The following CHD9 variants were observed in gnomAD, a reference collection of about 807,000 sequenced individuals.
CHD9 encodes the protein chromodomain helicase DNA binding protein 9.
Under a neutral mutation model 316.1 loss-of-function variants are expected in CHD9, and 77 were observed. The ratio of observed to expected loss-of-function variants is 0.24; its 90% CI spans 0.20 to 0.29. The LOEUF (loss-of-function observed/expected upper bound fraction) is 0.29. Ranked by LOEUF, CHD9 falls within the 10% of genes least tolerant of loss-of-function variation. The pLI, the probability that CHD9 is intolerant of heterozygous loss-of-function variation, is 1.00. For missense variants in CHD9, 2,763 were observed against 3,438.1 expected (o/e 0.80, Z 4.91); for synonymous variants, 1,129 against 1,158.3 (o/e 0.97, Z 0.51).
chr16:53,276,988 A>G (rs2052903696), intron 24 of CHD9, among the ~76,000 whole-genome samples: 1 of 152,224 alleles, frequency 6.6e-6, no homozygotes, highest in African/African-American at 2.4e-5. Context: ...CTTTATGTAC[A>G]TAAACTAGAA....
intron 1 of CHD9, among the ~76,000 whole-genome samples, chr16:53,131,533 C>A (rs1035306954): frequency 3.3e-4 from 50 of 150,950 alleles, no homozygotes; most frequent in Non-Finnish European, 5.9e-4. Flanking sequence ...CCCCCGCCCC[C>A]CGGCCCACAG....
Position 53,226,352 on chromosome 16 carries a change from G to A in CHD9, c.1897-14G>A, listed in dbSNP as rs757397985. 11 of 1,507,866 alleles carry A rather than the reference G, an allele frequency of 7.3e-6. No homozygotes were observed. Among genetic ancestry groups the A allele is most frequent in the South Asian group, 6.4e-5 (5 of 77,698 alleles). 93.4% of individuals were successfully genotyped at this position (1,507,866 alleles called of 1,614,324 possible). ...AATAAATTATATAAATCTGATTCTT[G>A]TGGTTCATTACAGAAAAGAAGATCA... is the stretch of plus-strand genomic sequence containing the variant. On this transcript the variant is annotated splice_polypyrimidine_tract_variant and intron_variant, in intron 4 of 38. Transcript: ENST00000447540.
At chr16:53,229,566 AT>A (rs1323053040) in intron 8 of CHD9, among the ~76,000 whole-genome samples, 1 of 152,190 alleles carries the variant, frequency 6.6e-6, no homozygotes, top group Admixed American at 6.5e-5. Flanking sequence ...CCTGCTCCAG[AT>A]TTTTCTAATA....
chr16:53,172,940 T>C (rs1002431145), intron 2 of CHD9, among the ~76,000 whole-genome samples: 1 of 152,212 alleles, frequency 6.6e-6, no homozygotes, highest in Middle Eastern at 3.2e-3. Flanking sequence ...TCTCCCAGTC[T>C]GTGGGTTGCC....
At chr16:53,115,743 G>T (rs988302628) in intron 1 of CHD9, among the ~76,000 whole-genome samples, 1 of 152,194 alleles carries the variant, frequency 6.6e-6, no homozygotes, top group Non-Finnish European at 1.5e-5. Flanking sequence ...ACCTGCTTAT[G>T]CCTTAAGATG....
intron 1 of CHD9, among the ~76,000 whole-genome samples, chr16:53,070,794 TC>T (rs536857118): frequency 8.5e-4 from 130 of 152,308 alleles, no homozygotes; most frequent in African/African-American, 3.0e-3. Flanking sequence ...CCTCAAGTGA[TC>T]CGCCTGTCTT....
intron 1 of CHD9, among the ~76,000 whole-genome samples, chr16:53,137,942 G>T (rs370897173): frequency 4.4e-4 from 67 of 152,218 alleles, no homozygotes; most frequent in East Asian, 1.9e-3. Context: ...TTTATTGAAT[G>T]ATAGAGAATA....
intron 4 of CHD9, 22 bp from the exon 5 acceptor site, chr16:53,226,344 T>A: frequency 2.7e-6 from 4 of 1,476,890 alleles, no homozygotes; most frequent in Non-Finnish European, 3.6e-6. Flanking sequence ...TATATAAATC[T>A]GATTCTTGTG....
intron 1 of CHD9, among the ~76,000 whole-genome samples, chr16:53,150,954 A>C (rs1349041492): frequency 6.6e-6 from 1 of 152,016 alleles, no homozygotes. Context: ...GATCTCTTAG[A>C]ATTTATCCTC....
At chr16:53,215,061 C>T (rs1207777970) in intron 3 of CHD9, among the ~76,000 whole-genome samples, 3 of 151,980 alleles carry the variant, frequency 2.0e-5, no homozygotes, top group East Asian at 1.9e-4. Flanking sequence ...TACAGGTGCC[C>T]GCCACCACGC....
intron 1 of CHD9, among the ~76,000 whole-genome samples, chr16:53,055,678 A>C (rs1282307487): frequency 1.3e-5 from 2 of 152,124 alleles, no homozygotes; most frequent in Non-Finnish European, 2.9e-5. Flanking sequence ...TCCTCCTCCT[A>C]TTCCTCCAGT....
intron 2 of CHD9, among the ~76,000 whole-genome samples, chr16:53,193,728 C>T (rs530316214): frequency 2.6e-5 from 4 of 152,210 alleles, no homozygotes; most frequent in African/African-American, 9.6e-5. Flanking sequence ...TACCGAGTGC[C>T]TGCATGTCAG....
intron 7 of CHD9, 94 bp downstream of exon 7, chr16:53,227,697 C>G (rs2047772028): frequency 3.1e-6 from 1 of 326,618 alleles, no homozygotes; most frequent in Non-Finnish European, 5.2e-6. Flanking sequence ...TCATTTTATC[C>G]ACATTTTTAT....
chr16:53,196,740 A>G (rs1490346147), intron 2 of CHD9, among the ~76,000 whole-genome samples: 1 of 152,222 alleles, frequency 6.6e-6, no homozygotes, highest in Non-Finnish European at 1.5e-5. Context: ...AGTTTTAAAG[A>G]CAATGATCAG....
At chr16:53,089,251 A>AGT (rs1488691326) in intron 1 of CHD9, among the ~76,000 whole-genome samples, 1 of 152,200 alleles carries the variant, frequency 6.6e-6, no homozygotes, top group Non-Finnish European at 1.5e-5. Flanking sequence ...GTGCCACTGC[A>AGT]CTCCAGCCTG....
In CHD9 at chr16:53,326,926, T is replaced by C. The variant is rs2057562286; in HGVS notation, c.*2031T>C. ...GATCTTGTCACTAAAATCTAATTTA[T>C]ATCAAATTTATGAGAGAAAGTATTT... On this transcript the variant is annotated 3_prime_UTR_variant, in exon 39 of 39. Transcript: ENST00000447540. 1 of 152,004 alleles carries C rather than the reference T, an allele frequency of 6.6e-6. No individual in the cohort carries two copies. The highest frequency in any genetic ancestry group is 1.9e-4 in the East Asian group (1 of 5,184). The allele number at this position is 152,004 out of a possible 1,614,324, so 9.4% of individuals were successfully genotyped here.
chr16:53,094,473 C>A (rs1431780939), intron 1 of CHD9, among the ~76,000 whole-genome samples: 1 of 152,008 alleles, frequency 6.6e-6, no homozygotes, highest in Non-Finnish European at 1.5e-5. Context: ...TACCCGGTGA[C>A]CCCAGGTGAC....
rs924117289 is a variant in CHD9, at chr16:53,085,329, C to T, written c.-165+30252C>T. On this transcript the variant is annotated intron_variant, in intron 1 of 38. Coordinates refer to ENST00000447540, the MANE Select transcript of CHD9 (RefSeq NM_001308319.2). ...GGCCTCAAGCAATGTCCACCTAGAGCACTGGGATTACCCCCAGACCCAGCC... is the reference window on the plus strand; with the variant it reads ...GGCCTCAAGCAATGTCCACCTAGAGTACTGGGATTACCCCCAGACCCAGCC... Among the ~76,000 whole-genome samples the T allele has an allele frequency of 2.0e-5, 3 of 152,028 alleles. 1 individual carries two copies. The highest frequency in any genetic ancestry group is 1.9e-4 in the East Asian group (1 of 5,166).
intron 36 of CHD9, 72 bp from the exon 37 acceptor site, chr16:53,318,140 C>A: frequency 1.6e-6 from 2 of 1,224,610 alleles, no homozygotes; most frequent in Non-Finnish European, 2.3e-6. Context: ...CTTGGATCAG[C>A]TCATTTTAAT....
Sources: allele counts gnomAD v4.1 joint callset (sites outside exome capture counted in the v4.1 genomes callset), GRCh38; gene constraint gnomAD v4.1.1; transcripts MANE v1.5; gene names NCBI Gene and HGNC (gene_info 2026-07-23, HGNC 2026-07-21).